The following CDC42 variants were observed in gnomAD, a reference collection of about 807,000 sequenced individuals.
CDC42 encodes the protein cell division control protein 42 homolog.
Under a neutral mutation model 20.8 loss-of-function variants are expected in CDC42, and 1 was observed. The ratio of observed to expected loss-of-function variants is 0.05; its 90% CI spans 0.02 to 0.23. The LOEUF (loss-of-function observed/expected upper bound fraction) is 0.23, where lower values mean the gene tolerates loss of function less well. CDC42 is among the 10% of genes least tolerant of loss of function. The pLI, the probability that CDC42 is intolerant of heterozygous loss-of-function variation, is 1.00. For synonymous variants in CDC42, 72 were observed against 84.8 expected, an observed-to-expected ratio of 0.85 and a Z score of 0.83; for missense variants, 49 against 227.9, an observed-to-expected ratio of 0.21 and a Z score of 5.05.
At chr1:22,054,921 A>ATTTTTTTTTTTT (rs1180547322) in intron 1 of CDC42, among the ~76,000 whole-genome samples, 1 of 19,396 alleles carries the variant, frequency 5.2e-5, no homozygotes. Context: ...ATATATATAT[A>ATTTTTTTTTTTT]TTTTTTTTTT....
At chr1:22,055,655 A>C (rs1334705374) in intron 1 of CDC42, among the ~76,000 whole-genome samples, 1 of 151,926 alleles carries the variant, frequency 6.6e-6, no homozygotes, top group African/African-American at 2.4e-5. Context: ...GACCCGGCTA[A>C]TTTTGGTATC....
chr1:22,090,992 A>AT (rs1454279769), intron 5 of CDC42, among the ~76,000 whole-genome samples: 3 of 152,146 alleles, frequency 2.0e-5, no homozygotes, highest in Admixed American at 2.0e-4. Context: ...TGTGCCTTCC[A>AT]TAGAATAAGG....
chr1:22,078,881 G>A (rs763507958), intron 2 of CDC42: 2 of 1,209,892 alleles, frequency 1.7e-6, no homozygotes, highest in South Asian at 1.5e-5. Flanking sequence ...CTTGGAATGA[G>A]GTGACTTTTT....
intron 1 of CDC42, among the ~76,000 whole-genome samples, chr1:22,064,690 TC>T (rs1342431651): frequency 4.9e-5 from 1 of 20,314 alleles, no homozygotes; most frequent in Admixed American, 5.7e-4. Context: ...TAGAGAAGAT[TC>T]TTTTTTTTTT....
intron 1 of CDC42, among the ~76,000 whole-genome samples, chr1:22,055,308 A>G (rs59006164): frequency 2.1e-3 from 324 of 152,004 alleles, no homozygotes; most frequent in African/African-American, 6.8e-3. Flanking sequence ...TCAACTAAGT[A>G]TTGAATGAGC....
intron 1 of CDC42, among the ~76,000 whole-genome samples, chr1:22,055,079 G>T (rs1000203554): frequency 6.7e-6 from 1 of 149,034 alleles, no homozygotes; most frequent in Admixed American, 6.7e-5. Context: ...TCAGCCTCCC[G>T]AACAGCTGGG....
chr1:22,055,018 A>G (rs1000511085), intron 1 of CDC42, among the ~76,000 whole-genome samples: 3 of 131,532 alleles, frequency 2.3e-5, no homozygotes, highest in Non-Finnish European at 3.1e-5. Context: ...CAGTGGCGCA[A>G]TCTCAGCTCA....
intron 1 of CDC42, among the ~76,000 whole-genome samples, chr1:22,062,696 A>G (rs976444674): frequency 5.2e-4 from 70 of 134,882 alleles, no homozygotes; most frequent in African/African-American, 1.9e-3. Flanking sequence ...CGAGCCTGGT[A>G]GCCTGGTCAA....
intron 1 of CDC42, among the ~76,000 whole-genome samples, chr1:22,072,400 T>G (rs1273219614): frequency 6.6e-6 from 1 of 152,038 alleles, no homozygotes; most frequent in Middle Eastern, 3.2e-3. Flanking sequence ...CCTGGCCGTT[T>G]TACTTACCTT....
intron 1 of CDC42, chr1:22,064,211 A>T (rs1414115734): frequency 6.6e-6 from 1 of 152,064 alleles, no homozygotes; most frequent in Non-Finnish European, 1.5e-5. Flanking sequence ...AAAACAAAAA[A>T]CCTTGTGTTT....
intron 1 of CDC42, among the ~76,000 whole-genome samples, chr1:22,053,810 A>C (rs1645265309): frequency 6.6e-6 from 1 of 152,214 alleles, no homozygotes; most frequent in Non-Finnish European, 1.5e-5. Context: ...GACCGCCTTC[A>C]GTGCACCTAA....
chr1:22,070,748 G>A (rs143041172), intron 1 of CDC42, among the ~76,000 whole-genome samples: 1,932 of 152,088 alleles, frequency 0.013, 46 homozygotes, highest in African/African-American at 0.041. Flanking sequence ...ACAGGCGTGA[G>A]CCACCACGCC....
rs1645745171 is a variant in CDC42 at position 22,094,668 on chromosome 1, AG to A, written c.*3155del. Among the ~76,000 whole-genome samples the A allele has an allele frequency of 6.6e-6, 1 of 152,182 alleles. No individual in the cohort carries two copies. The highest frequency in any genetic ancestry group is 2.4e-5 in the African/African-American group (1 of 41,444). ...ATGCCACAAGGGGAGTGTATTCTAA[AG>A]GGGAAGAAAAGGATTGTGGTTTAAA... On this transcript the variant is annotated 3_prime_UTR_variant, in exon 6 of 6. Transcript: ENST00000656825.
Position 22,094,998 on chromosome 1 carries a change from A to G in CDC42, c.*3481A>G, listed in dbSNP as rs1335220671. The stretch of plus-strand genomic sequence containing the variant: ...ACTCGCAAAACAAGGGCCCTGCTCA[A>G]GAAGGATTGAAACTTAGTCCTTGCT... On this transcript the variant is annotated 3_prime_UTR_variant, in exon 6 of 6. Coordinates refer to ENST00000656825, the MANE Select transcript of CDC42 (RefSeq NM_001791.4). Among the ~76,000 whole-genome samples the G allele has an allele frequency of 1.3e-5, 2 of 152,226 alleles. No homozygotes were observed. The highest frequency in any genetic ancestry group is 4.8e-5 in the African/African-American group (2 of 41,440).
chr1:22,082,516 A>G (rs769046981), intron 3 of CDC42, among the ~76,000 whole-genome samples: 15 of 152,222 alleles, frequency 9.9e-5, no homozygotes, highest in African/African-American at 3.1e-4. Flanking sequence ...ACTTTTCTCT[A>G]TGTGCCGTCT....
intron 3 of CDC42, among the ~76,000 whole-genome samples, chr1:22,086,186 A>G (rs1645660809): frequency 6.6e-6 from 1 of 152,176 alleles, no homozygotes; most frequent in South Asian, 2.1e-4. Context: ...TGGGTTTCTA[A>G]TGGACACAAA....
chr1:22,067,178 C>T (rs1341753497), intron 1 of CDC42, among the ~76,000 whole-genome samples: 2 of 152,172 alleles, frequency 1.3e-5, no homozygotes, highest in African/African-American at 4.8e-5. Flanking sequence ...TCCGTTTAGG[C>T]TTCTTTAACA....
At position 22,100,026 on chromosome 1, in the gene CDC42, C is replaced by CTTTTTTTTTTTTTTTT. The variant is rs780658203; in HGVS notation, c.*8511_*8512insTTTTTTTTTTTTTTTT. On this transcript the variant is annotated 3_prime_UTR_variant, in exon 6 of 6. Coordinates refer to ENST00000656825, the MANE Select transcript of CDC42 (RefSeq NM_001791.4). ...CCTTTTTTTCTTTCTTCTTCTTCTT[C>CTTTTTTTTTTTTTTTT]TTCTTTTTTTTTTTTTTTGTATAAT... Among the ~76,000 whole-genome samples, 4 of 57,584 alleles carry CTTTTTTTTTTTTTTTT rather than the reference C, an allele frequency of 6.9e-5. 2 individuals are homozygous for CTTTTTTTTTTTTTTTT. Among genetic ancestry groups the CTTTTTTTTTTTTTTTT allele is most frequent in the African/African-American group, 1.3e-4 (2 of 15,214 alleles). The allele number at this position is 57,584 out of a possible 152,430, so 37.8% of individuals were successfully genotyped here.
intron 1 of CDC42, among the ~76,000 whole-genome samples, chr1:22,055,490 ATT>A (rs35959719): frequency 1.2e-4 from 17 of 137,414 alleles, no homozygotes; most frequent in South Asian, 2.3e-4. Context: ...AAAATTGGTG[ATT>A]TTTTTTTTTT....
Sources: gnomAD v4.1 joint callset for allele counts (sites outside exome capture counted in the v4.1 genomes callset) on GRCh38, gnomAD v4.1.1 for gene constraint, MANE v1.5 for transcripts, NCBI Gene and HGNC (gene_info 2026-07-23, HGNC 2026-07-21) for gene names.